ZFAT: variants seen among roughly 807,000 people sequenced by gnomAD.
The protein encoded by ZFAT is zinc finger protein ZFAT.
A neutral mutation model predicts 117.7 loss-of-function variants in ZFAT; 64 were observed. The ratio of observed to expected loss-of-function variants is 0.54; its 90% CI spans 0.44 to 0.67. The LOEUF is 0.67. ZFAT is among the 30% of genes least tolerant of loss of function. The pLI is 0.00. For missense variants in ZFAT, 1,433 were observed against 1,584.5 expected, an observed-to-expected ratio of 0.90 and a Z score of 1.62; for synonymous variants, 679 against 615.0, an observed-to-expected ratio of 1.10 and a Z score of -1.54.
chr8:134,754,528 G>GC, the ZFAT span, among the ~76,000 whole-genome samples: 1 of 152,208 alleles, frequency 6.6e-6, no homozygotes, highest in East Asian at 1.9e-4. Flanking sequence ...CCCCTTCCCA[G>GC]CTATGTCTTA....
chr8:134,547,194 C>T (rs1251550982), intron 11 of ZFAT, among the ~76,000 whole-genome samples: 17 of 152,228 alleles, frequency 1.1e-4, no homozygotes, highest in Admixed American at 1.0e-3. Context: ...TCTGTTGGAT[C>T]CTAATGTTCA....
chr8:134,577,131 C>G (rs1263636509), intron 10 of ZFAT, among the ~76,000 whole-genome samples: 1 of 152,210 alleles, frequency 6.6e-6, no homozygotes, highest in Non-Finnish European at 1.5e-5. Flanking sequence ...ACAGCATGAT[C>G]TTTGCATTAA....
intron 1 of ZFAT, among the ~76,000 whole-genome samples, chr8:134,692,247 G>A (rs1833621120): frequency 2.0e-5 from 3 of 152,334 alleles, no homozygotes; most frequent in South Asian, 4.1e-4. Context: ...CAGCAGAGGA[G>A]AAAACACAAC....
At chr8:134,821,707 T>C in the ZFAT span, among the ~76,000 whole-genome samples, 11 of 152,152 alleles carry the variant, frequency 7.2e-5, no homozygotes, top group African/African-American at 2.4e-4. Flanking sequence ...GGAAATACAT[T>C]TAGCTCAATG....
intron 1 of ZFAT, among the ~76,000 whole-genome samples, chr8:134,675,517 T>C (rs1044765631): frequency 1.3e-5 from 2 of 152,340 alleles, no homozygotes; most frequent in East Asian, 1.9e-4. Context: ...TGGAACCAAG[T>C]TGGAAAACAC....
At chr8:134,660,468 C>T (rs1450967660) in intron 1 of ZFAT, among the ~76,000 whole-genome samples, 1 of 152,242 alleles carries the variant, frequency 6.6e-6, no homozygotes, top group African/African-American at 2.4e-5. Flanking sequence ...GTGGGCCCCA[C>T]CCCAGACACT....
chr8:134,592,972 C>G (rs183311081), intron 7 of ZFAT, among the ~76,000 whole-genome samples: 1 of 152,232 alleles, frequency 6.6e-6, no homozygotes, highest in African/African-American at 2.4e-5. Context: ...AGAAACTGTC[C>G]TGAGTTTTCT....
At chr8:134,548,336 C>T (rs895309130) in intron 11 of ZFAT, among the ~76,000 whole-genome samples, 1 of 151,990 alleles carries the variant, frequency 6.6e-6, no homozygotes, top group African/African-American at 2.4e-5. Flanking sequence ...TGAGAGAAGC[C>T]CCGTGTGGCT....
the ZFAT span, among the ~76,000 whole-genome samples, chr8:134,828,681 T>C: frequency 5.8e-3 from 884 of 152,354 alleles, 7 homozygotes; most frequent in Non-Finnish European, 9.1e-3. Context: ...ACATTCCTTT[T>C]TTTTCTACAT....
At chr8:134,648,006 A>C (rs1476993709) in intron 2 of ZFAT, among the ~76,000 whole-genome samples, 1 of 152,118 alleles carries the variant, frequency 6.6e-6, no homozygotes, top group Non-Finnish European at 1.5e-5. Context: ...TTATATACTT[A>C]AAATTTGCTA....
chr8:134,682,355 G>C (rs901702247), intron 1 of ZFAT, among the ~76,000 whole-genome samples: 2 of 152,216 alleles, frequency 1.3e-5, no homozygotes, highest in Admixed American at 6.5e-5. Context: ...TGATCTTAGA[G>C]ATGCTAAAAT....
rs1586795785 is a variant in ZFAT, at chr8:134,602,499, T to C, written c.1220A>G (p.His407Arg). The change falls in exon 6 of 16, where the codon CAC (histidine) becomes CGC (arginine). Residue 407 changes from histidine (H) to arginine (R), a missense_variant. Physicochemically the swap from His to Arg is conservative, Grantham distance 29. This residue lies in a region of ZFAT where 73 missense variants were observed against 122.0 expected (regional missense o/e 0.60). Coordinates refer to ENST00000377838, the MANE Select transcript of ZFAT (RefSeq NM_020863.4). ...EGKRQLLYDC[H>R]ICERKFKNEL... The stretch of plus-strand genomic sequence containing the variant: ...GTTCTTGAACTTGCGCTCACAGATG[T>C]GGCAGTCATAGAGCAGCTGCCGCTT... 1 of 1,613,912 alleles carries C rather than the reference T, an allele frequency of 6.2e-7. No individual in the cohort carries two copies. Among genetic ancestry groups the C allele is most frequent in the Non-Finnish European group, 8.5e-7 (1 of 1,180,022 alleles).
intron 10 of ZFAT, among the ~76,000 whole-genome samples, chr8:134,574,782 C>T (rs1215380695): frequency 4.6e-5 from 7 of 152,106 alleles, no homozygotes; most frequent in Non-Finnish European, 1.0e-4. Context: ...TAATACTATT[C>T]TAGAGGCATA....
intron 13 of ZFAT, among the ~76,000 whole-genome samples, chr8:134,513,187 G>C (rs1028351758): frequency 6.7e-6 from 1 of 148,920 alleles, no homozygotes; most frequent in Non-Finnish European, 1.5e-5. Context: ...GAAAATCTTA[G>C]CTATTTGTGC....
At chr8:134,744,727 CTTTTTTTTTTT>C in the ZFAT span, among the ~76,000 whole-genome samples, 2 of 103,518 alleles carry the variant, frequency 1.9e-5, no homozygotes, top group African/African-American at 3.8e-5. Flanking sequence ...GCCTACTCTC[CTTTTTTTTTTT>C]TTTTTTTTTG....
chr8:134,609,956 C>A (rs991647379), intron 4 of ZFAT, among the ~76,000 whole-genome samples: 1 of 152,156 alleles, frequency 6.6e-6, no homozygotes, highest in South Asian at 2.1e-4. Context: ...AGAACTCTAA[C>A]CTTTGAGAGA....
At chr8:134,685,005 C>T (rs1483298388) in intron 1 of ZFAT, among the ~76,000 whole-genome samples, 1 of 152,192 alleles carries the variant, frequency 6.6e-6, no homozygotes, top group Non-Finnish European at 1.5e-5. Flanking sequence ...CTTCATGGCA[C>T]AAAGTGGCAC....
intron 15 of ZFAT, among the ~76,000 whole-genome samples, chr8:134,496,850 T>C (rs928957076): frequency 6.6e-6 from 1 of 152,242 alleles, no homozygotes; most frequent in Non-Finnish European, 1.5e-5. Flanking sequence ...GGAGAGCTTC[T>C]GCCCCTCTGA....
At chr8:134,792,574 T>G in the ZFAT span, 1 of 152,196 alleles carries the variant, frequency 6.6e-6, no homozygotes, top group Admixed American at 6.5e-5. Context: ...TTAAAGTTGG[T>G]TTTTCTCAAA....
Sources: allele counts gnomAD v4.1 joint callset (sites outside exome capture counted in the v4.1 genomes callset), GRCh38; gene constraint gnomAD v4.1.1; regional missense constraint gnomAD v4.1.1; transcripts MANE v1.5; gene names NCBI Gene and HGNC (gene_info 2026-07-23, HGNC 2026-07-21).